The following PCDH9 variants were observed in gnomAD, a reference collection of about 807,000 sequenced individuals.
The protein encoded by PCDH9 is protocadherin-9.
A neutral mutation model predicts 70.6 loss-of-function variants in PCDH9; 24 were observed. The ratio of observed to expected loss-of-function variants is 0.34; its 90% CI spans 0.25 to 0.48. The LOEUF (loss-of-function observed/expected upper bound fraction) is 0.48, where lower values mean the gene tolerates loss of function less well. Ranked by LOEUF, PCDH9 falls within the 20% of genes least tolerant of loss-of-function variation. The probability of loss-of-function intolerance (pLI) is 0.99; values close to 1 mark genes in which losing one functional copy is unlikely to be tolerated. For synonymous variants in PCDH9, 562 were observed against 558.5 expected, an observed-to-expected ratio of 1.01 and a Z score of -0.09; for missense variants, 1,281 against 1,503.6, an observed-to-expected ratio of 0.85 and a Z score of 2.45.
At chr13:66,694,826 C>T (rs939917551) in intron 3 of PCDH9, among the ~76,000 whole-genome samples, 3 of 151,558 alleles carry the variant, frequency 2.0e-5, no homozygotes, top group African/African-American at 2.4e-5. Context: ...TATCCAAGCA[C>T]ATTTCAGGTC....
chr13:67,088,303 A>C (rs2138203656), intron 2 of PCDH9, among the ~76,000 whole-genome samples: 1 of 152,052 alleles, frequency 6.6e-6, no homozygotes, highest in African/African-American at 2.4e-5. Flanking sequence ...TAGCATGAAA[A>C]CAAGTTCAGG....
At chr13:66,929,603 T>C (rs2082773912) in intron 2 of PCDH9, among the ~76,000 whole-genome samples, 1 of 152,104 alleles carries the variant, frequency 6.6e-6, no homozygotes, top group African/African-American at 2.4e-5. Context: ...GGATTACAGG[T>C]GTGAGTTACC....
chr13:67,110,853 A>G (rs1242280010), intron 2 of PCDH9, among the ~76,000 whole-genome samples: 2 of 152,142 alleles, frequency 1.3e-5, no homozygotes, highest in Non-Finnish European at 2.9e-5. Context: ...ACCCAATGCA[A>G]CCTATTTTAT....
At chr13:66,469,489 A>G (rs768948657) in intron 4 of PCDH9, among the ~76,000 whole-genome samples, 6 of 150,530 alleles carry the variant, frequency 4.0e-5, no homozygotes, top group Non-Finnish European at 8.9e-5. Flanking sequence ...AGGAAGGAAT[A>G]GAAGGAGGGA....
intron 4 of PCDH9, among the ~76,000 whole-genome samples, chr13:66,622,819 T>A (rs1188972581): frequency 6.6e-6 from 1 of 152,052 alleles, no homozygotes; most frequent in South Asian, 2.1e-4. Flanking sequence ...TGTGGAAGCG[T>A]TGTGCTTTCT....
At chr13:66,477,749 A>G (rs1480978625) in intron 4 of PCDH9, among the ~76,000 whole-genome samples, 1 of 152,216 alleles carries the variant, frequency 6.6e-6, no homozygotes, top group Non-Finnish European at 1.5e-5. Flanking sequence ...ATCATAATTG[A>G]ATCCACATCC....
At chr13:66,617,149 T>A (rs2077365790) in intron 4 of PCDH9, among the ~76,000 whole-genome samples, 1 of 152,176 alleles carries the variant, frequency 6.6e-6, no homozygotes, top group African/African-American at 2.4e-5. Flanking sequence ...AGCAGATAAT[T>A]CTGTTCCTTT....
intron 2 of PCDH9, among the ~76,000 whole-genome samples, chr13:67,013,819 C>G (rs1026272744): frequency 6.6e-6 from 1 of 151,808 alleles, no homozygotes; most frequent in Non-Finnish European, 1.5e-5. Flanking sequence ...GACTATTGAC[C>G]TTAACTATGA....
At chr13:66,930,971 G>A (rs939583975) in intron 2 of PCDH9, among the ~76,000 whole-genome samples, 3 of 152,154 alleles carry the variant, frequency 2.0e-5, no homozygotes, top group Non-Finnish European at 2.9e-5. Flanking sequence ...AAAATTGGAT[G>A]TGCAGGAAAT....
chr13:66,378,107 T>A (rs574570744), intron 4 of PCDH9, among the ~76,000 whole-genome samples: 70 of 152,324 alleles, frequency 4.6e-4, no homozygotes, highest in Admixed American at 2.2e-3. Context: ...CATTTTTCTA[T>A]TCCTCTTTAA....
At chr13:66,806,741 GTAGT>G (rs2080416812) in intron 3 of PCDH9, among the ~76,000 whole-genome samples, 1 of 152,188 alleles carries the variant, frequency 6.6e-6, no homozygotes, top group Non-Finnish European at 1.5e-5. Flanking sequence ...CTACTGTGCT[GTAGT>G]TAATGAGTCA....
At chr13:66,524,679 C>A (rs910583424) in intron 4 of PCDH9, among the ~76,000 whole-genome samples, 3 of 152,024 alleles carry the variant, frequency 2.0e-5, no homozygotes, top group African/African-American at 7.2e-5. Context: ...TTTATTAGTG[C>A]ACCCCACTCC....
At chr13:66,795,989 G>T (rs1205025888) in intron 3 of PCDH9, among the ~76,000 whole-genome samples, 1 of 152,092 alleles carries the variant, frequency 6.6e-6, no homozygotes, top group African/African-American at 2.4e-5. Flanking sequence ...CTGTCTGCAC[G>T]CTGCCTCCTC....
chr13:66,777,876 A>C lies in PCDH9; in HGVS notation c.3138+125628T>G, dbSNP rs1171138181. ...TATTCACAATAGCAAAGACTTGGAA[A>C]CAACCCAAATGTCCAACAACGATAG... On this transcript the variant is annotated intron_variant, in intron 3 of 4. Transcript: ENST00000377865. Among the ~76,000 whole-genome samples the C allele has an allele frequency of 1.6e-4, 24 of 152,144 alleles. No homozygotes were observed. The East Asian group carries it at 3.9e-3, about 25-fold the overall frequency.
At chr13:66,708,403 G>GTGGT (rs1555324397) in intron 3 of PCDH9, among the ~76,000 whole-genome samples, 2,136 of 136,984 alleles carry the variant, frequency 0.016, 65 homozygotes, top group African/African-American at 0.055. Flanking sequence ...TTGAGATTTA[G>GTGGT]TTTTTTTTTT....
intron 4 of PCDH9, among the ~76,000 whole-genome samples, chr13:66,597,722 G>T (rs1242646800): frequency 1.3e-5 from 2 of 151,664 alleles, no homozygotes; most frequent in Non-Finnish European, 2.9e-5. Context: ...AACAAAAATA[G>T]AGAAGTGAGA....
intron 4 of PCDH9, among the ~76,000 whole-genome samples, chr13:66,483,006 C>T (rs1958868625): frequency 6.6e-6 from 1 of 152,170 alleles, no homozygotes. Context: ...CCGTGCTTTG[C>T]TTTGGAATTC....
chr13:66,983,065 G>A (rs187258850), intron 2 of PCDH9, among the ~76,000 whole-genome samples: 1 of 152,270 alleles, frequency 6.6e-6, no homozygotes, highest in East Asian at 1.9e-4. Flanking sequence ...GTCCCACTCA[G>A]TGTAGAAGCT....
At chr13:66,618,301 C>G (rs1031608705) in intron 4 of PCDH9, among the ~76,000 whole-genome samples, 1 of 152,136 alleles carries the variant, frequency 6.6e-6, no homozygotes, top group African/African-American at 2.4e-5. Context: ...ATCTGGCAGC[C>G]TAACTTTAGT....
Sources: allele counts gnomAD v4.1 joint callset (sites outside exome capture counted in the v4.1 genomes callset), GRCh38; gene constraint gnomAD v4.1.1; transcripts MANE v1.5; gene names NCBI Gene and HGNC (gene_info 2026-07-23, HGNC 2026-07-21).